SMARCA4: variants seen among roughly 807,000 people sequenced by gnomAD.
SMARCA4 encodes the protein SWI/SNF related BAF chromatin remodeling complex subunit ATPase 4.
A neutral mutation model predicts 193.9 loss-of-function variants in SMARCA4; 31 were observed. The observed-to-expected ratio is 0.16, with a 90% CI of 0.12 to 0.22. The LOEUF is 0.22. Ranked by LOEUF, SMARCA4 falls within the 10% of genes least tolerant of loss-of-function variation. SMARCA4 has a pLI of 1.00. For missense variants in SMARCA4, 1,148 were observed against 2,296.0 expected (o/e 0.50, Z 10.22); for synonymous variants, 942 against 933.1 (o/e 1.01, Z -0.17).
chr19:11,018,552 G>A (rs2089581591), intron 16 of SMARCA4, among the ~76,000 whole-genome samples: 1 of 152,190 alleles, frequency 6.6e-6, no homozygotes, highest in Non-Finnish European at 1.5e-5. Flanking sequence ...ACTGTTTGGT[G>A]TCTCCTATAT....
rs996421783 is a variant in SMARCA4 at position 10,987,185 on chromosome 19, G to A, written c.859+182G>A. On this transcript the variant is annotated intron_variant, in intron 5 of 34. Coordinates refer to ENST00000344626, the MANE Select transcript of SMARCA4 (RefSeq NM_003072.5). The surrounding 1 kb of genome is among the most constrained non-coding windows in gnomAD (Gnocchi z 5.3). ...AGCCAGTCAGTTCCCAAAGGCTGTCGTTCATCCCTCCTCTGACAGCTTGTG... is the reference window on the plus strand; with the variant it reads ...AGCCAGTCAGTTCCCAAAGGCTGTCATTCATCCCTCCTCTGACAGCTTGTG... 6.6e-6 allele frequency among the ~76,000 whole-genome samples: 1 copy of A among 152,288 alleles called. No homozygotes were observed. The highest frequency in any genetic ancestry group is 2.4e-5 in the African/African-American group (1 of 41,564).
rs2146416853 is a variant in SMARCA4, at chr19:11,021,778, C to T, written c.2670C>T (p.His890=). 6.2e-7 allele frequency: 1 copy of T among 1,613,778 alleles called. No individual in the cohort carries two copies. Among genetic ancestry groups the T allele is most frequent in the South Asian group, 1.1e-5 (1 of 91,088 alleles). ...VDEGHRMKNH[H]CKLTQVLNTH... is the part of the protein sequence containing the mutation. ...AAGGTCACCGCATGAAGAACCACCA[C>T]TGCAAGCTGACGCAGGTGCTCAACA... The change falls in exon 19 of 35, where the codon CAC becomes CAT. Residue 890 remains histidine (H), a synonymous_variant. Coordinates refer to ENST00000344626, the MANE Select transcript of SMARCA4 (RefSeq NM_003072.5).
intron 16 of SMARCA4, among the ~76,000 whole-genome samples, chr19:11,013,478 A>C (rs1190404492): frequency 6.6e-6 from 1 of 152,106 alleles, no homozygotes; most frequent in East Asian, 1.9e-4. Context: ...GTACAGTCGC[A>C]TCCTGAGCTG....
At position 11,047,862 on chromosome 19, in the gene SMARCA4, A is replaced by G. The variant is rs896331879; in HGVS notation, c.4424+6302A>G. On this transcript the variant is annotated intron_variant, in intron 30 of 34. Coordinates refer to ENST00000344626, the MANE Select transcript of SMARCA4 (RefSeq NM_003072.5). ...GGTCCCAGACCCCACGTAAACAAAG[A>G]CAGCCATTAGGTGTGACATTCTAAG... The G allele has an allele frequency of 2.0e-5, 3 of 152,202 alleles. No homozygotes were observed. The East Asian group carries it at 5.8e-4, about 29-fold the overall frequency. 9.4% of individuals were successfully genotyped at this position (152,202 alleles called of 1,614,324 possible).
chr19:10,996,009 G>C, intron 9 of SMARCA4: 1 of 655,140 alleles, frequency 1.5e-6, no homozygotes, highest in Non-Finnish European at 2.8e-6. Flanking sequence ...TGTCTGCCTA[G>C]CGGGTGCCCT....
Position 11,019,990 on chromosome 19 carries a change from G to C in SMARCA4, c.2616+289G>C, listed in dbSNP as rs1190474380. On this transcript the variant is annotated intron_variant, in intron 18 of 34. Transcript: ENST00000344626. This position sits in a 1 kb window ranked among gnomAD's most constrained non-coding sequence, Gnocchi z 6.1. ...CTGCCCAGAGAGCCTCAGCACCAAGGCGTCTCCTGACCCGCCTACAGAGTC... is the reference window on the plus strand; with the variant it reads ...CTGCCCAGAGAGCCTCAGCACCAAGCCGTCTCCTGACCCGCCTACAGAGTC... Among the ~76,000 whole-genome samples the C allele has an allele frequency of 6.6e-6, 1 of 152,236 alleles. No homozygotes were observed. Among genetic ancestry groups the C allele is most frequent in the Non-Finnish European group, 1.5e-5 (1 of 68,044 alleles).
In SMARCA4 at chr19:11,051,082, C is replaced by T. The variant is rs1191026081; in HGVS notation, c.4425-7173C>T. Among the ~76,000 whole-genome samples the T allele has an allele frequency of 2.0e-5, 3 of 152,356 alleles. No individual in the cohort carries two copies. The South Asian group carries it at 6.2e-4, about 32-fold the overall frequency. ...TAAAAGTCATGGATGGAGTTGCCCACGCAGCCTGCGGTCAGGTTCCCTGTG... is the reference window on the plus strand; with the variant it reads ...TAAAAGTCATGGATGGAGTTGCCCATGCAGCCTGCGGTCAGGTTCCCTGTG... On this transcript the variant is annotated intron_variant, in intron 30 of 34. Transcript: ENST00000344626.
Position 11,033,216 on chromosome 19 carries a change from C to A in SMARCA4, c.3547-74C>A. 8.8e-7 allele frequency: 1 copy of A among 1,138,988 alleles called. No homozygotes were observed. Among genetic ancestry groups the A allele is most frequent in the Non-Finnish European group, 1.3e-6 (1 of 750,562 alleles). The allele number at this position is 1,138,988 out of a possible 1,614,324, so 70.6% of individuals were successfully genotyped here. A position where few individuals can be genotyped will look rare whatever the true frequency, so the allele number is the denominator to read the frequency against. ...TGGCACGCACAGCACACCTCTCCAG[C>A]TAGTGTCAGAGGCCACCTTCCCTTT... On this transcript the variant is annotated intron_variant, in intron 25 of 34. Transcript: ENST00000344626. This position sits in a 1 kb window ranked among gnomAD's most constrained non-coding sequence, Gnocchi z 9.8.
At chr19:11,004,310 C>T (rs548100031) in intron 13 of SMARCA4, among the ~76,000 whole-genome samples, 8 of 148,834 alleles carry the variant, frequency 5.4e-5, no homozygotes, top group African/African-American at 1.2e-4. Flanking sequence ...AGTGCAGTGG[C>T]GCGATCTCGC....
chr19:11,002,276 G>A (rs1007158963), intron 11 of SMARCA4, among the ~76,000 whole-genome samples: 2 of 151,470 alleles, frequency 1.3e-5, no homozygotes, highest in Non-Finnish European at 2.9e-5. Flanking sequence ...TCAGGAGATC[G>A]AGACTGTCTT....
chr19:11,054,930 C>G (rs576674917), intron 30 of SMARCA4, among the ~76,000 whole-genome samples: 1 of 152,236 alleles, frequency 6.6e-6, no homozygotes, highest in Non-Finnish European at 1.5e-5. Context: ...GCACTGACAT[C>G]AAAGGTGGTG....
At chr19:11,015,550 T>C (rs1397662996) in intron 16 of SMARCA4, among the ~76,000 whole-genome samples, 2 of 152,194 alleles carry the variant, frequency 1.3e-5, no homozygotes, top group Admixed American at 1.3e-4. Context: ...GGTTTCCCAC[T>C]GTAAACCTAG....
chr19:10,995,377 G>A (rs2086935784), intron 9 of SMARCA4: 2 of 471,398 alleles, frequency 4.2e-6, no homozygotes, highest in Non-Finnish European at 8.4e-6. Flanking sequence ...TATTGGCAGC[G>A]TGTTCTGGGC....
At chr19:10,969,113 C>G (rs2084471215) in intron 1 of SMARCA4, among the ~76,000 whole-genome samples, 1 of 152,214 alleles carries the variant, frequency 6.6e-6, no homozygotes, top group Admixed American at 6.5e-5. Context: ...CCTCTTTGAA[C>G]TCAGAATTCC....
Position 11,041,811 on chromosome 19 carries a change from G to A in SMARCA4, c.4424+251G>A, listed in dbSNP as rs1406051027. ...GTCGAGAGGAGAGGCAGGGGTGCGG[G>A]TCTCGGAGAAGGGGACATTGCAGCA... On this transcript the variant is annotated intron_variant, in intron 30 of 34. Transcript: ENST00000344626. The surrounding 1 kb of genome is among the most constrained non-coding windows in gnomAD (Gnocchi z 5.6). Among the ~76,000 whole-genome samples, 1 of 152,194 alleles carries A rather than the reference G, an allele frequency of 6.6e-6. No individual in the cohort carries two copies. Among genetic ancestry groups the A allele is most frequent in the African/African-American group, 2.4e-5 (1 of 41,446 alleles).
At chr19:11,055,922 C>T (rs907475128) in intron 30 of SMARCA4, among the ~76,000 whole-genome samples, 2 of 152,200 alleles carry the variant, frequency 1.3e-5, no homozygotes, top group African/African-American at 4.8e-5. Context: ...AATGGCAAAG[C>T]GCGCTGCTTT....
Position 10,984,443 on chromosome 19 carries a change from G to C in SMARCA4, c.222+70G>C, listed in dbSNP as rs546949378. The C allele has an allele frequency of 1.3e-6, 2 of 1,549,016 alleles. No homozygotes were observed. Among genetic ancestry groups the C allele is most frequent in the Non-Finnish European group, 1.7e-6 (2 of 1,146,796 alleles). The stretch of plus-strand genomic sequence containing the variant: ...TAGGGCTGCAGGCAGCCTCTGGACC[G>C]AGGGCCTTACTTGGAGGATGGGGGG... On this transcript the variant is annotated intron_variant, in intron 2 of 34. Transcript: ENST00000344626. The surrounding 1 kb of genome is among the most constrained non-coding windows in gnomAD (Gnocchi z 4.3).
chr19:11,019,772 C>T lies in SMARCA4; in HGVS notation c.2616+71C>T, dbSNP rs868221626. The T allele has an allele frequency of 7.2e-5, 75 of 1,037,284 alleles. No individual in the cohort carries two copies. The Middle Eastern group carries it at 2.8e-3, about 39-fold the overall frequency. The allele number at this position is 1,037,284 out of a possible 1,614,324, so 64.3% of individuals were successfully genotyped here. On this transcript the variant is annotated intron_variant, in intron 18 of 34. Transcript: ENST00000344626. The surrounding 1 kb of genome is among the most constrained non-coding windows in gnomAD (Gnocchi z 6.1). ...ACACGTGGGTCACGCTGCCCGTCTC[C>T]TCCAAAGCCCCTACAAGTTTCTTCC...
At position 11,023,470 on chromosome 19, in the gene SMARCA4, C is replaced by T. The variant is rs1329728956; in HGVS notation, c.2860-48C>T. 4.9e-6 allele frequency: 6 copies of T among 1,219,082 alleles called. No homozygotes were observed. In the East Asian group the frequency reaches 9.4e-5, roughly 19 times the overall value. The allele number at this position is 1,219,082 out of a possible 1,614,324, so 75.5% of individuals were successfully genotyped here. A position where few individuals can be genotyped will look rare whatever the true frequency, so the allele number is the denominator to read the frequency against. On this transcript the variant is annotated intron_variant, in intron 19 of 34. Coordinates refer to ENST00000344626, the MANE Select transcript of SMARCA4 (RefSeq NM_003072.5). ...GCACCTTCTAGTGAGACCTCTGTCG[C>T]CCTCCTTTGGAGGTAACGCTTGCTT... is the stretch of plus-strand genomic sequence containing the variant.
Sources: gnomAD v4.1 joint callset for allele counts (sites outside exome capture counted in the v4.1 genomes callset) on GRCh38, gnomAD v4.1.1 for gene constraint, Gnocchi (gnomAD v3.1) non-coding constraint, MANE v1.5 for transcripts, NCBI Gene and HGNC (gene_info 2026-07-23, HGNC 2026-07-21) for gene names.